PAPSS2: variants seen among roughly 807,000 people sequenced by gnomAD.
PAPSS2 encodes the protein 3'-phosphoadenosine 5'-phosphosulfate synthase 2, also known as bifunctional 3'-phosphoadenosine 5'-phosphosulfate synthase 2.
PAPSS2 carries 61 observed loss-of-function variants against 66.5 expected under a neutral mutation model. The ratio of observed to expected loss-of-function variants is 0.92; its 90% confidence interval spans 0.75 to 1.14. The LOEUF is 1.14. Among genes scored for constraint, PAPSS2 ranks in the 50% most tolerant of loss-of-function variants. The pLI is 0.00. For synonymous variants in PAPSS2, 289 were observed against 287.5 expected, an observed-to-expected ratio of 1.01 and a Z score of -0.05; for missense variants, 708 against 789.6, an observed-to-expected ratio of 0.90 and a Z score of 1.24.
intron 6 of PAPSS2, among the ~76,000 whole-genome samples, chr10:87,715,485 C>T (rs1564721983): frequency 6.6e-6 from 1 of 152,218 alleles, no homozygotes; most frequent in Non-Finnish European, 1.5e-5. Context: ...GGAATAGATA[C>T]AACCTAAAAA....
intron 1 of PAPSS2, among the ~76,000 whole-genome samples, chr10:87,678,059 G>A (rs1393024159): frequency 1.3e-5 from 2 of 152,096 alleles, no homozygotes; most frequent in Non-Finnish European, 2.9e-5. Context: ...GAATGGGGAA[G>A]ACCACTTCTA....
chr10:87,722,494 A>T (rs925073602), intron 8 of PAPSS2, among the ~76,000 whole-genome samples: 1 of 152,240 alleles, frequency 6.6e-6, no homozygotes, highest in Admixed American at 6.5e-5. Flanking sequence ...TAAGGCTAAC[A>T]CAGAAGGCTT....
intron 1 of PAPSS2, among the ~76,000 whole-genome samples, chr10:87,691,252 G>A (rs74509807): frequency 7.2e-4 from 109 of 152,232 alleles, no homozygotes; most frequent in African/African-American, 2.4e-3. Context: ...CCAAGTTTAT[G>A]AAGTATCATG....
At chr10:87,737,966 T>G (rs1204560393) in intron 9 of PAPSS2, among the ~76,000 whole-genome samples, 2 of 152,242 alleles carry the variant, frequency 1.3e-5, no homozygotes, top group East Asian at 3.8e-4. Context: ...AGTGGAATCA[T>G]GTAATATTTG....
intron 6 of PAPSS2, 86 bp from the exon 7 acceptor site, chr10:87,715,646 A>T: frequency 2.5e-6 from 2 of 803,658 alleles, no homozygotes; most frequent in Non-Finnish European, 4.4e-6. Flanking sequence ...TCCTCCTGTT[A>T]ACTGAATAAG....
At chr10:87,688,746 C>T (rs1311173851) in intron 1 of PAPSS2, among the ~76,000 whole-genome samples, 1 of 151,890 alleles carries the variant, frequency 6.6e-6, no homozygotes, top group Non-Finnish European at 1.5e-5. Context: ...CGTGAGCCAC[C>T]AAGGCCGGCA....
intron 1 of PAPSS2, among the ~76,000 whole-genome samples, chr10:87,698,606 G>A (rs1230813764): frequency 6.6e-6 from 1 of 152,188 alleles, no homozygotes; most frequent in Non-Finnish European, 1.5e-5. Flanking sequence ...ATAAGTAAAT[G>A]CATATTGTGA....
intron 7 of PAPSS2, 145 bp from the exon 8 acceptor site, chr10:87,721,611 T>C: frequency 1.6e-6 from 1 of 610,036 alleles, no homozygotes; most frequent in South Asian, 2.4e-5. Context: ...CTCTCTATTT[T>C]TAAAAATAGC....
At chr10:87,729,735 A>T (rs1853705352) in intron 9 of PAPSS2, among the ~76,000 whole-genome samples, 1 of 152,168 alleles carries the variant, frequency 6.6e-6, no homozygotes, top group South Asian at 2.1e-4. Context: ...AGTGGCTCAC[A>T]CTTGTAATCC....
intron 8 of PAPSS2, 130 bp from the exon 9 acceptor site, chr10:87,727,154 C>G: frequency 1.3e-6 from 1 of 774,938 alleles, no homozygotes; most frequent in Non-Finnish European, 2.2e-6. Flanking sequence ...GCTAACACAA[C>G]TACTTGGATT....
At chr10:87,701,351 T>C (rs1360757802) in intron 1 of PAPSS2, among the ~76,000 whole-genome samples, 14 of 108,452 alleles carry the variant, frequency 1.3e-4, no homozygotes, top group South Asian at 3.5e-4. Flanking sequence ...TTTCTTTCTT[T>C]CTTTCTTTCT....
chr10:87,717,427 C>T (rs933657626), intron 7 of PAPSS2, among the ~76,000 whole-genome samples: 3 of 152,038 alleles, frequency 2.0e-5, no homozygotes, highest in Non-Finnish European at 4.4e-5. Flanking sequence ...AGGTCCTTAG[C>T]CTGAGATCTA....
rs1852727323 is a variant in PAPSS2, at chr10:87,659,968, C to T, written c.-14C>T. The T allele has an allele frequency of 2.5e-6, 4 of 1,612,630 alleles. No individual in the cohort carries two copies. The highest frequency in any genetic ancestry group is 1.3e-5 in the African/African-American group (1 of 74,918). On this transcript the variant is annotated 5_prime_UTR_variant, in exon 1 of 13. Transcript: ENST00000456849. ...TCTGCTCCCGGGACCCGGGCTCCGC[C>T]GCAGCCAGCCAGCATGTCGGGGATC...
In PAPSS2 at chr10:87,747,165, A is replaced by G. The variant is rs1853951901; in HGVS notation, c.*1195A>G. 6.6e-6 allele frequency: 1 copy of G among 151,384 alleles called. No individual in the cohort carries two copies. The highest frequency in any genetic ancestry group is 1.5e-5 in the Non-Finnish European group (1 of 67,928). The allele number at this position is 151,384 out of a possible 1,614,324, so 9.4% of individuals were successfully genotyped here. A position where few individuals can be genotyped will look rare whatever the true frequency, so the allele number is the denominator to read the frequency against. On this transcript the variant is annotated 3_prime_UTR_variant, in exon 13 of 13. Coordinates refer to ENST00000456849, the MANE Select transcript of PAPSS2 (RefSeq NM_001015880.2). ...TGAAAGGTCGAGTTTTCTGAACTGC[A>G]CTGATTTTATTGCAGTTGAAAAAAA...
intron 9 of PAPSS2, among the ~76,000 whole-genome samples, chr10:87,736,645 C>T (rs1238600622): frequency 6.6e-6 from 1 of 152,162 alleles, no homozygotes; most frequent in Non-Finnish European, 1.5e-5. Flanking sequence ...AGCAAGAATA[C>T]AAATGGAGAG....
intron 9 of PAPSS2, among the ~76,000 whole-genome samples, chr10:87,729,025 G>C (rs964730542): frequency 3.3e-5 from 5 of 151,582 alleles, no homozygotes; most frequent in Non-Finnish European, 7.4e-5. Context: ...TAATCATATA[G>C]GTTTGGGATT....
At chr10:87,703,806 A>T (rs763194403) in intron 1 of PAPSS2, 2 of 518,818 alleles carry the variant, frequency 3.9e-6, no homozygotes, top group East Asian at 1.1e-4. Flanking sequence ...CCAGTATAGA[A>T]GTATGCCACT....
chr10:87,702,090 C>T (rs1360651415), intron 1 of PAPSS2, among the ~76,000 whole-genome samples: 3 of 152,166 alleles, frequency 2.0e-5, no homozygotes, highest in Non-Finnish European at 2.9e-5. Context: ...AATTGTGAAA[C>T]ATTTGAAGCT....
chr10:87,704,798 T>C (rs1853362079), intron 1 of PAPSS2, among the ~76,000 whole-genome samples: 1 of 152,044 alleles, frequency 6.6e-6, no homozygotes, highest in Non-Finnish European at 1.5e-5. Flanking sequence ...TGCGCCACCC[T>C]GCACAGCTAA....
Sources: allele counts gnomAD v4.1 joint callset (sites outside exome capture counted in the v4.1 genomes callset), GRCh38; gene constraint gnomAD v4.1.1; transcripts MANE v1.5; gene names NCBI Gene and HGNC (gene_info 2026-07-23, HGNC 2026-07-21).